The following CLCN4 variants were observed in gnomAD, a reference collection of about 807,000 sequenced individuals.
CLCN4 encodes the protein Cl-/H+ antiporter 4.
CLCN4 carries 1 observed loss-of-function variant against 41.7 expected under a neutral mutation model. The observed-to-expected ratio is 0.02, with a 90% CI of 0.01 to 0.11. The LOEUF is 0.11. Ranked by LOEUF, CLCN4 falls within the 10% of genes least tolerant of loss-of-function variation. The probability of loss-of-function intolerance (pLI) is 1.00; values close to 1 mark genes in which losing one functional copy is unlikely to be tolerated. For synonymous variants in CLCN4, 277 were observed against 285.8 expected (o/e 0.97, Z 0.31); for missense variants, 287 against 661.0 (o/e 0.43, Z 6.20).
At chrX:10,175,879 T>C (rs1923508121) in intron 2 of CLCN4, among the ~76,000 whole-genome samples, 1 of 100,791 alleles carries the variant, frequency 9.9e-6, no homozygotes, top group African/African-American at 3.7e-5. Flanking sequence ...TCTCCCACCC[T>C]CTCTCTCTCT....
In CLCN4 at chrX:10,214,373, T is replaced by C. The variant is rs73632638; in HGVS notation, c.1975+294T>C. On this transcript the variant is annotated intron_variant, in intron 11 of 12. Transcript: ENST00000380833. ...AACCCAAGTCTTGGGTAGACATTCT[T>C]GGTTGCAAAGTGACTGCATGTTTGC... Among the ~76,000 whole-genome samples the C allele has an allele frequency of 0.029, 3,273 of 112,921 alleles. 116 individuals carry two copies. The highest frequency in any genetic ancestry group is 0.099 in the African/African-American group (3,081 of 31,011).
At chrX:10,192,318 G>A (rs1009188820) in intron 4 of CLCN4, among the ~76,000 whole-genome samples, 3 of 111,441 alleles carry the variant, frequency 2.7e-5, no homozygotes, top group Non-Finnish European at 5.7e-5. Flanking sequence ...GGATGCGAGA[G>A]GTGTGGTGAT....
At chrX:10,163,363 ATT>A (rs34955324) in intron 2 of CLCN4, among the ~76,000 whole-genome samples, 4 of 98,677 alleles carry the variant, frequency 4.1e-5, no homozygotes, top group Non-Finnish European at 2.1e-5. Context: ...ATGTGCAGGA[ATT>A]TTTTTTTTTT....
At chrX:10,210,770 C>T (rs1178007183) in intron 9 of CLCN4, among the ~76,000 whole-genome samples, 2 of 104,575 alleles carry the variant, frequency 1.9e-5, no homozygotes, top group Non-Finnish European at 3.9e-5. Context: ...ATCCTCCTGC[C>T]TCAGCCCACT....
chrX:10,231,736 A>G (rs973816259), intron 12 of CLCN4, among the ~76,000 whole-genome samples: 2 of 111,608 alleles, frequency 1.8e-5, no homozygotes, highest in Non-Finnish European at 3.8e-5. Context: ...GATAAGCTCC[A>G]TTGCTCGGAT....
intron 8 of CLCN4, 64 bp from the exon 9 acceptor site, chrX:10,207,980 AG>A (rs1487124235): frequency 1.0e-6 from 1 of 970,564 alleles, no homozygotes; most frequent in African/African-American, 1.9e-5. Context: ...CCTGCCAACC[AG>A]AGGGCTTGGC....
At chrX:10,189,628 G>A (rs940142757) in intron 4 of CLCN4, among the ~76,000 whole-genome samples, 1 of 112,285 alleles carries the variant, frequency 8.9e-6, no homozygotes, top group Non-Finnish European at 1.9e-5. Flanking sequence ...GGGACAGCCA[G>A]AGAGCCACGT....
At chrX:10,223,543 C>T (rs1026464942) in intron 12 of CLCN4, among the ~76,000 whole-genome samples, 14 of 111,953 alleles carry the variant, frequency 1.3e-4, no homozygotes, top group Admixed American at 3.8e-4. Context: ...AGGGCAGGCA[C>T]GTCTCTGGCC....
chrX:10,198,623 G>A (rs913297947), intron 6 of CLCN4, among the ~76,000 whole-genome samples: 3 of 111,761 alleles, frequency 2.7e-5, no homozygotes, highest in Non-Finnish European at 5.6e-5. Flanking sequence ...ACGTACCCCC[G>A]TGAATTTCGA....
intron 9 of CLCN4, among the ~76,000 whole-genome samples, chrX:10,209,829 CTT>C (rs58207034): frequency 8.2e-5 from 8 of 97,541 alleles, no homozygotes; most frequent in Non-Finnish European, 1.5e-4. Context: ...GTTATTATAG[CTT>C]TTTTTTTTTT....
chrX:10,163,421 T>A (rs763276802), intron 2 of CLCN4, among the ~76,000 whole-genome samples: 10 of 110,140 alleles, frequency 9.1e-5, no homozygotes, highest in African/African-American at 3.3e-4. Flanking sequence ...TTTCTTTTTT[T>A]TTTTGAGATG....
rs1319136665 is a variant in CLCN4, at chrX:10,189,888, T to C, written c.244+2274T>C. Reference sequence around the variant, plus strand: ...GAAGATTGGGTGTGCAGTAGGGGGGTTGTGAATGAATGAATAATGATGAAA... The same window carrying C: ...GAAGATTGGGTGTGCAGTAGGGGGGCTGTGAATGAATGAATAATGATGAAA... On this transcript the variant is annotated intron_variant, in intron 4 of 12. Coordinates refer to ENST00000380833, the MANE Select transcript of CLCN4 (RefSeq NM_001830.4). Among the ~76,000 whole-genome samples the C allele has an allele frequency of 3.6e-5, 4 of 110,495 alleles. No homozygotes were observed. In the Admixed American group the frequency reaches 3.8e-4, roughly 11 times the overall value.
chrX:10,203,185 C>A (rs1924286034), intron 6 of CLCN4, among the ~76,000 whole-genome samples: 1 of 111,934 alleles, frequency 8.9e-6, no homozygotes, highest in African/African-American at 3.3e-5. Context: ...TTAAACTATA[C>A]CCTTGGGTCC....
At chrX:10,228,384 C>T (rs1035443810) in intron 12 of CLCN4, among the ~76,000 whole-genome samples, 8 of 110,192 alleles carry the variant, frequency 7.3e-5, no homozygotes, top group East Asian at 2.8e-4. Context: ...TGCCAGGTAC[C>T]GGGAGGACCT....
intron 2 of CLCN4, among the ~76,000 whole-genome samples, chrX:10,175,994 T>C (rs1356310790): frequency 1.0e-5 from 1 of 98,927 alleles, no homozygotes; most frequent in Non-Finnish European, 2.0e-5. Context: ...ATGTGTGTAA[T>C]AGGAACTCAT....
At chrX:10,228,234 CT>C (rs1386079454) in intron 12 of CLCN4, among the ~76,000 whole-genome samples, 1 of 109,717 alleles carries the variant, frequency 9.1e-6, no homozygotes, top group Non-Finnish European at 1.9e-5. Flanking sequence ...CTCCTCCCCC[CT>C]CCCCCATTCC....
At chrX:10,191,004 A>G (rs1475927218) in intron 4 of CLCN4, among the ~76,000 whole-genome samples, 5 of 112,458 alleles carry the variant, frequency 4.4e-5, no homozygotes, top group African/African-American at 1.6e-4. Flanking sequence ...GGATGTATAT[A>G]TGTATGTATG....
intron 12 of CLCN4, among the ~76,000 whole-genome samples, chrX:10,221,538 T>C (rs1924861993): frequency 9.0e-6 from 1 of 111,307 alleles, no homozygotes; most frequent in South Asian, 3.8e-4. Context: ...TAGTCCCAGC[T>C]ACTTGGGAGG....
At chrX:10,169,795 T>G (rs778458710) in intron 2 of CLCN4, among the ~76,000 whole-genome samples, 1 of 101,490 alleles carries the variant, frequency 9.9e-6, no homozygotes, top group East Asian at 3.0e-4. Context: ...TCTTTTCTTT[T>G]TTTTTTTTTT....
Sources: gnomAD v4.1 joint callset for allele counts (sites outside exome capture counted in the v4.1 genomes callset) on GRCh38, gnomAD v4.1.1 for gene constraint, MANE v1.5 for transcripts, NCBI Gene and HGNC (gene_info 2026-07-23, HGNC 2026-07-21) for gene names.